The following SYNE1 variants were observed in gnomAD, a reference collection of about 807,000 sequenced individuals.
SYNE1 encodes spectrin repeat containing nuclear envelope protein 1, also known as nesprin-1.
SYNE1 carries 616 observed loss-of-function variants against 1,111.0 expected under a neutral mutation model. The observed-to-expected ratio is 0.55, with a 90% CI of 0.52 to 0.59. SYNE1 has a LOEUF of 0.59. SYNE1 is among the 20% of genes least tolerant of loss of function. SYNE1 has a pLI of 0.00. For synonymous variants in SYNE1, 3,855 were observed against 3,825.8 expected (o/e 1.01, Z -0.28); for missense variants, 10,006 against 10,417.0 (o/e 0.96, Z 1.72).
intron 137 of SYNE1, 140 bp downstream of exon 137, chr6:152,147,905 A>T (rs538563138): frequency 1.3e-6 from 1 of 785,238 alleles, no homozygotes; most frequent in East Asian, 2.6e-5. Context: ...TCACATTCAT[A>T]TCTAAGTGTT....
At chr6:152,354,543 C>G in intron 67 of SYNE1, 116 bp downstream of exon 67, 1 of 1,210,602 alleles carries the variant, frequency 8.3e-7, no homozygotes, top group Non-Finnish European at 1.2e-6. Context: ...TCTAGGTAAT[C>G]AAAAAGATTT....
rs760319106 is a variant in SYNE1, at chr6:152,339,256, TTGAATGTCTTTTGC to T, written c.12322_12335del (p.Ala4108ThrfsTer7). 1 of 1,613,882 alleles carries T rather than the reference TTGAATGTCTTTTGC, an allele frequency of 6.2e-7. No homozygotes were observed. The highest frequency in any genetic ancestry group is 8.5e-7 in the Non-Finnish European group (1 of 1,179,790). ...ATTTTCTTACCGTTTGCTCTGTTTG[TTGAATGTCTTTTGC>T]TGTGGTTTTCACCGAAGCATTTGAC... On this transcript the variant is annotated frameshift_variant, in exon 75 of 146. Coordinates refer to ENST00000367255, the MANE Select transcript of SYNE1 (RefSeq NM_182961.4). LOFTEE classifies it high-confidence loss of function.
chr6:152,481,135 T>A, intron 14 of SYNE1: 2 of 219,320 alleles, frequency 9.1e-6, no homozygotes, highest in South Asian at 1.4e-4. Context: ...CTGTTATAAT[T>A]AACTAGTAAA....
At chr6:152,197,274 T>C (rs550050233) in intron 127 of SYNE1, among the ~76,000 whole-genome samples, 43 of 152,364 alleles carry the variant, frequency 2.8e-4, no homozygotes, top group Non-Finnish European at 5.1e-4. Flanking sequence ...CGCTTTCTTA[T>C]GTAGATAGTT....
At chr6:152,285,376 C>A (rs2094272342) in intron 95 of SYNE1, among the ~76,000 whole-genome samples, 1 of 152,234 alleles carries the variant, frequency 6.6e-6, no homozygotes, top group African/African-American at 2.4e-5. Context: ...TCTGCTTACA[C>A]TCTTGTTGCT....
Position 152,238,992 on chromosome 6 carries a change from G to A in SYNE1, c.20067+541C>T, listed in dbSNP as rs530233793. Among the ~76,000 whole-genome samples, 22 of 151,540 alleles carry A rather than the reference G, an allele frequency of 1.5e-4. No individual in the cohort carries two copies. The South Asian group carries it at 3.3e-3, about 23-fold the overall frequency. On this transcript the variant is annotated intron_variant, in intron 108 of 145. Coordinates refer to ENST00000367255, the MANE Select transcript of SYNE1 (RefSeq NM_182961.4). ...TGGCTCACTGCAACCACTGCCTCCC[G>A]GTTCAAGTGATTCTCCTGCCTCAGC...
At chr6:152,404,352 T>C in intron 45 of SYNE1, 38 bp from the exon 46 acceptor site, 3 of 1,432,908 alleles carry the variant, frequency 2.1e-6, no homozygotes, top group South Asian at 2.3e-5. Flanking sequence ...TCAAAAACAC[T>C]GACATGCTAT....
At chr6:152,306,741 G>A (rs2095391445) in intron 91 of SYNE1, among the ~76,000 whole-genome samples, 1 of 149,570 alleles carries the variant, frequency 6.7e-6, no homozygotes, top group African/African-American at 2.4e-5. Flanking sequence ...GCAAAAACTA[G>A]CCTGAGGTAG....
At chr6:152,169,627 CAAAAA>C (rs58087660) in intron 130 of SYNE1, among the ~76,000 whole-genome samples, 1 of 71,444 alleles carries the variant, frequency 1.4e-5, no homozygotes, top group Non-Finnish European at 2.5e-5. Context: ...CACCTCATCT[CAAAAA>C]AAAAAAAAAA....
At chr6:152,410,566 C>T (rs1260445418) in intron 42 of SYNE1, among the ~76,000 whole-genome samples, 2 of 152,126 alleles carry the variant, frequency 1.3e-5, no homozygotes, top group East Asian at 1.9e-4. Context: ...AAAATATTGT[C>T]TCTACTAAAA....
chr6:152,124,478 C>T lies in SYNE1; in HGVS notation c.26154-1802G>A, dbSNP rs558989405. 4.6e-5 allele frequency among the ~76,000 whole-genome samples: 7 copies of T among 152,336 alleles called. No individual in the cohort carries two copies. In the South Asian group the frequency reaches 1.4e-3, roughly 32 times the overall value. On this transcript the variant is annotated intron_variant, in intron 145 of 145. Transcript: ENST00000367255. ...GGGTAATGTAACCTTGAACAACTCA[C>T]TTCATCTCTAGGTGTCAACCTCTTC...
At chr6:152,565,670 A>T (rs1348766668) in intron 3 of SYNE1, among the ~76,000 whole-genome samples, 3 of 127,986 alleles carry the variant, frequency 2.3e-5, no homozygotes, top group Admixed American at 7.6e-5. Flanking sequence ...GCTGAAGTTT[A>T]AAAAAAAAAA....
At chr6:152,215,604 A>T (rs2078447436) in intron 121 of SYNE1, among the ~76,000 whole-genome samples, 1 of 152,194 alleles carries the variant, frequency 6.6e-6, no homozygotes, top group Admixed American at 6.5e-5. Context: ...GTTCATGCTA[A>T]TTTCCTCCTT....
chr6:152,353,263 C>A lies in SYNE1; in HGVS notation c.11253G>T (p.Glu3751Asp). ...ACAAATCTGAAGTATGCGTGCCTAC[C>A]TCCAACGTCTTCAATTTCTTCCCCA... ...VMMGKKLKTLEVLLKDMEKGH... is the reference protein window; with the variant it reads ...VMMGKKLKTLDVLLKDMEKGH... Residue 3751 changes from glutamate (E) to aspartate (D), a missense_variant and splice_region_variant, in exon 69 of 146, where the codon GAG (glutamate) becomes GAT (aspartate). Around this residue, in one of 7 missense-constraint regions of SYNE1, gnomAD observed 4,955 missense variants for 5,017.2 expected, o/e 0.99. Transcript: ENST00000367255. 6.2e-7 allele frequency: 1 copy of A among 1,614,130 alleles called. No homozygotes were observed. Among genetic ancestry groups the A allele is most frequent in the Non-Finnish European group, 8.5e-7 (1 of 1,180,016 alleles).
chr6:152,145,702 C>A, intron 137 of SYNE1: 1 of 718,332 alleles, frequency 1.4e-6, no homozygotes, highest in Non-Finnish European at 2.5e-6. Flanking sequence ...CGTGCAGGCT[C>A]ACCAAAGCTT....
chr6:152,342,390 T>TA (rs1177761557), intron 74 of SYNE1, among the ~76,000 whole-genome samples: 2 of 152,228 alleles, frequency 1.3e-5, no homozygotes, highest in Admixed American at 6.5e-5. Context: ...CACAGTCTAA[T>TA]AAAAAAGTAG....
At chr6:152,431,984 G>A (rs189831742) in intron 34 of SYNE1, among the ~76,000 whole-genome samples, 75 of 152,122 alleles carry the variant, frequency 4.9e-4, no homozygotes, top group South Asian at 1.2e-3. Context: ...GTAACACATC[G>A]GTGAAACAAA....
At chr6:152,383,661 T>C (rs1287926623) in intron 55 of SYNE1, among the ~76,000 whole-genome samples, 1 of 152,246 alleles carries the variant, frequency 6.6e-6, no homozygotes, top group Non-Finnish European at 1.5e-5. Flanking sequence ...CAGCTTTTGG[T>C]CCTGTGCCCA....
In SYNE1 at chr6:152,376,472, T is replaced by C; in HGVS notation, c.9233A>G (p.Gln3078Arg). Residue 3078 changes from glutamine to arginine, a missense_variant, in exon 58 of 146, where the codon CAG becomes CGG. Gln to Arg is a conservative substitution (Grantham distance 43). Transcript: ENST00000367255. ...RFRKAFRDFQQWLVNAKITTA... is the reference protein window; with the variant it reads ...RFRKAFRDFQRWLVNAKITTA... ...AGTGATTTTTGCATTAACCAACCAC[T>C]GCTGGAAATCCCTGAAGGCCTTTCG... The C allele has an allele frequency of 6.2e-7, 1 of 1,614,246 alleles. No individual in the cohort carries two copies. The highest frequency in any genetic ancestry group is 8.5e-7 in the Non-Finnish European group (1 of 1,180,046).
Sources: allele counts gnomAD v4.1 joint callset (sites outside exome capture counted in the v4.1 genomes callset), GRCh38; gene constraint gnomAD v4.1.1; regional missense constraint gnomAD v4.1.1; transcripts MANE v1.5; gene names NCBI Gene and HGNC (gene_info 2026-07-23, HGNC 2026-07-21).